Variants in MCPH1 observed in about 807,000 individuals in gnomAD.
MCPH1 encodes the protein microcephalin.
In MCPH1, 104 loss-of-function variants were observed where a neutral mutation model predicts 84.5. That is an observed-to-expected ratio of 1.23 (90% CI 1.05 to 1.45). The LOEUF (loss-of-function observed/expected upper bound fraction) is 1.45. Ranked by LOEUF, MCPH1 falls within the 40% of genes most tolerant of loss-of-function variation. The probability of loss-of-function intolerance (pLI) is 0.00; values close to 1 mark genes in which losing one functional copy is unlikely to be tolerated. For missense variants in MCPH1, 1,498 were observed against 1,005.7 expected, an observed-to-expected ratio of 1.49 and a Z score of -6.62; for synonymous variants, 514 against 366.8, an observed-to-expected ratio of 1.40 and a Z score of -4.58.
intron 9 of MCPH1, chr8:6,474,270 A>T: frequency 1.8e-6 from 1 of 548,378 alleles, no homozygotes; most frequent in Admixed American, 2.9e-5. Context: ...ACATTAATGT[A>T]TTTCAATCCT....
intron 12 of MCPH1, among the ~76,000 whole-genome samples, chr8:6,531,569 G>A (rs1471018284): frequency 6.6e-6 from 1 of 152,132 alleles, no homozygotes; most frequent in Non-Finnish European, 1.5e-5. Context: ...TGGAATTACA[G>A]GCGTGAGCTA....
At chr8:6,496,650 G>C (rs2442478) in intron 11 of MCPH1, among the ~76,000 whole-genome samples, 48,001 of 151,894 alleles carry the variant, frequency 0.32, 8,070 homozygotes, top group African/African-American at 0.42. Context: ...CTTGGATAAG[G>C]CTGGCTATTT....
intron 4 of MCPH1, among the ~76,000 whole-genome samples, chr8:6,434,419 A>G (rs187285562): frequency 6.6e-6 from 1 of 152,224 alleles, no homozygotes; most frequent in East Asian, 1.9e-4. Context: ...ACCTGTGGCT[A>G]TAAAGCACCA....
chr8:6,563,045 G>T, intron 12 of MCPH1: 3 of 1,223,572 alleles, frequency 2.5e-6, no homozygotes, highest in South Asian at 1.6e-5. Flanking sequence ...CCATGGCTGG[G>T]TCCGTCAATG....
chr8:6,627,429 C>T (rs542334899), intron 13 of MCPH1: 13 of 239,774 alleles, frequency 5.4e-5, no homozygotes, highest in Non-Finnish European at 8.1e-5. Flanking sequence ...GCTCAGCAAC[C>T]GCTCAGAAAA....
chr8:6,575,702 G>A (rs923381751), intron 12 of MCPH1, among the ~76,000 whole-genome samples: 1 of 152,130 alleles, frequency 6.6e-6, no homozygotes, highest in African/African-American at 2.4e-5. Flanking sequence ...GTTAAGATAG[G>A]GTCATACTGG....
chr8:6,629,998 G>A (rs1055867712), intron 13 of MCPH1, among the ~76,000 whole-genome samples: 3 of 152,184 alleles, frequency 2.0e-5, no homozygotes, highest in South Asian at 2.1e-4. Flanking sequence ...AACTTCCCCA[G>A]TTTGGAGCAA....
chr8:6,409,293 G>A lies in MCPH1; in HGVS notation c.37G>A (p.Val13Ile). ...CTTGTTTTCAGATGTAGTGGCCTAT[G>A]TTGAAGTGTGGTCATCCAATGGAAC... Reference protein sequence around the residue: ...APILKDVVAYVEVWSSNGTEN... With the variant: ...APILKDVVAYIEVWSSNGTEN... The change falls in exon 2 of 14, where the codon GTT becomes ATT. Residue 13 changes from valine (V) to isoleucine (I), a missense_variant. Coordinates refer to ENST00000344683, the MANE Select transcript of MCPH1 (RefSeq NM_024596.5). 2 of 1,613,662 alleles carry A rather than the reference G, an allele frequency of 1.2e-6. No individual in the cohort carries two copies. Among genetic ancestry groups the A allele is most frequent in the East Asian group, 2.2e-5 (1 of 44,884 alleles).
At chr8:6,450,765 TAGGG>T (rs1226001887) in intron 8 of MCPH1, among the ~76,000 whole-genome samples, 1 of 152,046 alleles carries the variant, frequency 6.6e-6, no homozygotes, top group African/African-American at 2.4e-5. Flanking sequence ...TGTTTTGAGA[TAGGG>T]TCTCACTCTG....
chr8:6,445,993 A>C, intron 8 of MCPH1: 1 of 979,180 alleles, frequency 1.0e-6, no homozygotes, highest in African/African-American at 1.7e-5. Context: ...TGTATCATAG[A>C]GAAAGTGTGA....
At chr8:6,429,963 T>G (rs1367447197) in intron 3 of MCPH1, among the ~76,000 whole-genome samples, 1 of 152,172 alleles carries the variant, frequency 6.6e-6, no homozygotes, top group Non-Finnish European at 1.5e-5. Context: ...TTGTTGCTAG[T>G]CTCCTAAGTT....
chr8:6,549,601 G>C (rs1823250936), intron 12 of MCPH1, among the ~76,000 whole-genome samples: 2 of 151,880 alleles, frequency 1.3e-5, no homozygotes, highest in Non-Finnish European at 2.9e-5. Flanking sequence ...TCTGCATCTT[G>C]AGTTGGGCGG....
chr8:6,468,315 CCCTATGCTGTCCTCCCACCTGCCCTGT>C (rs1807250769), intron 9 of MCPH1, among the ~76,000 whole-genome samples: 1 of 152,124 alleles, frequency 6.6e-6, no homozygotes, highest in Non-Finnish European at 1.5e-5. Flanking sequence ...TGTGCATGCC[CCCTATGCTGTCCTCCCACCTGCCCTGT>C]CCTACAAGCA....
intron 13 of MCPH1, chr8:6,627,189 G>C: frequency 1.0e-6 from 1 of 985,362 alleles, no homozygotes; most frequent in Non-Finnish European, 1.2e-6. Flanking sequence ...CCACTCGGGA[G>C]GCCTCAGGCC....
chr8:6,605,913 T>C (rs1472930576), intron 12 of MCPH1, among the ~76,000 whole-genome samples: 1 of 152,140 alleles, frequency 6.6e-6, no homozygotes, highest in Non-Finnish European at 1.5e-5. Flanking sequence ...GCCAGGCTGG[T>C]CTCGAATGCC....
intron 1 of MCPH1, 34 bp from the exon 2 acceptor site, chr8:6,409,245 A>T: frequency 6.5e-7 from 1 of 1,547,536 alleles, no homozygotes; most frequent in Non-Finnish European, 8.9e-7. Context: ...CTGGAATTTC[A>T]AATGTATGTT....
At chr8:6,563,901 C>G (rs1383811353) in intron 12 of MCPH1, among the ~76,000 whole-genome samples, 6 of 151,642 alleles carry the variant, frequency 4.0e-5, no homozygotes, top group African/African-American at 1.5e-4. Context: ...TAAAAATACA[C>G]TGTACTGATT....
intron 12 of MCPH1, among the ~76,000 whole-genome samples, chr8:6,609,475 A>G (rs957507989): frequency 1.3e-5 from 2 of 152,218 alleles, no homozygotes; most frequent in Non-Finnish European, 1.5e-5. Flanking sequence ...AAAACCTCAA[A>G]TGATGCTTTA....
At chr8:6,542,488 C>G (rs1016192479) in intron 12 of MCPH1, among the ~76,000 whole-genome samples, 2 of 152,050 alleles carry the variant, frequency 1.3e-5, no homozygotes, top group Non-Finnish European at 2.9e-5. Flanking sequence ...AAGAGGGACG[C>G]TAGCGCCTGG....
Sources: gnomAD v4.1 joint callset for allele counts (sites outside exome capture counted in the v4.1 genomes callset) on GRCh38, gnomAD v4.1.1 for gene constraint, MANE v1.5 for transcripts, NCBI Gene and HGNC (gene_info 2026-07-23, HGNC 2026-07-21) for gene names.